Variants in NAA15 observed in about 807,000 individuals in gnomAD.
NAA15 encodes the protein N-alpha-acetyltransferase 15, NatA auxiliary subunit.
NAA15 carries 34 observed loss-of-function variants against 114.0 expected under a neutral mutation model. The ratio of observed to expected loss-of-function variants is 0.30; its 90% confidence interval spans 0.23 to 0.40. The LOEUF is 0.40. NAA15 is among the 10% of genes least tolerant of loss of function. The probability of loss-of-function intolerance (pLI) is 1.00; values close to 1 mark genes in which losing one functional copy is unlikely to be tolerated. For missense variants in NAA15, 658 were observed against 1,004.5 expected, an observed-to-expected ratio of 0.66 and a Z score of 4.66; for synonymous variants, 340 against 338.0, an observed-to-expected ratio of 1.01 and a Z score of -0.06.
intron 15 of NAA15, among the ~76,000 whole-genome samples, chr4:139,376,094 G>T (rs1055300601): frequency 6.6e-6 from 1 of 151,760 alleles, no homozygotes; most frequent in Non-Finnish European, 1.5e-5. Flanking sequence ...TTCTCTTTCT[G>T]TCTTTCTTTC....
chr4:139,334,699 C>CT (rs1220221049), intron 2 of NAA15, among the ~76,000 whole-genome samples: 1 of 151,990 alleles, frequency 6.6e-6, no homozygotes, highest in Non-Finnish European at 1.5e-5. Flanking sequence ...AGTTTATAGG[C>CT]TTTTGCTTGT....
At chr4:139,348,182 G>T (rs1018145623) in intron 6 of NAA15, among the ~76,000 whole-genome samples, 1 of 152,034 alleles carries the variant, frequency 6.6e-6, no homozygotes, top group African/African-American at 2.4e-5. Flanking sequence ...GGCCGGGCAC[G>T]GTGACTCACG....
intron 1 of NAA15, among the ~76,000 whole-genome samples, chr4:139,306,384 A>G (rs1241852721): frequency 6.8e-6 from 1 of 147,078 alleles, no homozygotes; most frequent in Non-Finnish European, 1.5e-5. Flanking sequence ...GCCTGCCACC[A>G]CACTCGGCTA....
chr4:139,316,915 T>C (rs938460350), intron 1 of NAA15, among the ~76,000 whole-genome samples: 1 of 151,418 alleles, frequency 6.6e-6, no homozygotes, highest in African/African-American at 2.4e-5. Context: ...TTTTTTCCTT[T>C]ATCATCAACC....
intron 10 of NAA15, 109 bp from the exon 11 acceptor site, chr4:139,357,277 A>C: frequency 1.1e-6 from 1 of 886,868 alleles, no homozygotes; most frequent in Non-Finnish European, 1.8e-6. Flanking sequence ...ATACATAAAT[A>C]AACTCCTTTC....
chr4:139,319,770 T>TG (rs1158619490), intron 1 of NAA15, among the ~76,000 whole-genome samples: 1 of 152,204 alleles, frequency 6.6e-6, no homozygotes, highest in African/African-American at 2.4e-5. Flanking sequence ...TCAGATGCCA[T>TG]GATCTCATGA....
At chr4:139,309,319 G>C (rs1746134661) in intron 1 of NAA15, among the ~76,000 whole-genome samples, 1 of 150,194 alleles carries the variant, frequency 6.7e-6, no homozygotes, top group African/African-American at 2.5e-5. Flanking sequence ...TTGCTCTCCA[G>C]CCTGGGGGAC....
intron 14 of NAA15, among the ~76,000 whole-genome samples, chr4:139,367,094 C>G (rs557595058): frequency 6.6e-6 from 1 of 152,096 alleles, no homozygotes; most frequent in East Asian, 1.9e-4. Flanking sequence ...AATTATAGTT[C>G]TTTTAATATG....
Position 139,383,135 on chromosome 4 carries a change from A to G in NAA15, c.2156-1697A>G, listed in dbSNP as rs1345835402. ...GTCATCACCATAGTTCCCAGCCATA[A>G]GGAAAATCTACGTAATGTTTTCACA... On this transcript the variant is annotated intron_variant, in intron 17 of 19. Transcript: ENST00000296543. Among the ~76,000 whole-genome samples, 3 of 152,330 alleles carry G rather than the reference A, an allele frequency of 2.0e-5. No homozygotes were observed. In the East Asian group the frequency reaches 5.8e-4, roughly 29 times the overall value.
chr4:139,347,894 C>T (rs1010144253), intron 6 of NAA15, among the ~76,000 whole-genome samples: 13 of 151,104 alleles, frequency 8.6e-5, no homozygotes, highest in South Asian at 2.1e-4. Flanking sequence ...TAGCCGGGCG[C>T]GGTGGCGGGC....
intron 7 of NAA15, among the ~76,000 whole-genome samples, chr4:139,350,197 C>T (rs1364578345): frequency 6.6e-6 from 1 of 152,064 alleles, no homozygotes; most frequent in Non-Finnish European, 1.5e-5. Flanking sequence ...GATCCCAGCA[C>T]TTTGGGAGGC....
In NAA15 at chr4:139,311,703, G is replaced by A. The variant is rs539659455; in HGVS notation, c.54+9872G>A. Among the ~76,000 whole-genome samples the A allele has an allele frequency of 2.5e-4, 38 of 151,984 alleles. No individual in the cohort carries two copies. In the South Asian group the frequency reaches 5.2e-3, roughly 21 times the overall value. ...TTCAGATAGTAGGGCTCAGCCATAC[G>A]TCATTTCATAAAGCTTTACAACCGA... On this transcript the variant is annotated intron_variant, in intron 1 of 19. Coordinates refer to ENST00000296543, the MANE Select transcript of NAA15 (RefSeq NM_057175.5).
chr4:139,330,363 C>T (rs1199329439), intron 1 of NAA15, among the ~76,000 whole-genome samples: 2 of 152,184 alleles, frequency 1.3e-5, no homozygotes, highest in African/African-American at 4.8e-5. Context: ...TACTATGTTT[C>T]TTTGGCTACA....
In NAA15 at chr4:139,332,863, T is replaced by C. The variant is rs147335504; in HGVS notation, c.55-1311T>C. On this transcript the variant is annotated intron_variant, in intron 1 of 19. Coordinates refer to ENST00000296543, the MANE Select transcript of NAA15 (RefSeq NM_057175.5). The stretch of plus-strand genomic sequence containing the variant: ...TACCAAAGTGCTGGGATTACAAGCA[T>C]GAGCCACCGTGCCTGGCCTCTTATA... Among the ~76,000 whole-genome samples, 6 of 152,286 alleles carry C rather than the reference T, an allele frequency of 3.9e-5. No homozygotes were observed. In the East Asian group the frequency reaches 1.2e-3, roughly 29 times the overall value.
At chr4:139,362,695 T>G (rs1434689010) in intron 14 of NAA15, among the ~76,000 whole-genome samples, 1 of 152,198 alleles carries the variant, frequency 6.6e-6, no homozygotes, top group African/African-American at 2.4e-5. Flanking sequence ...AATTGCACAG[T>G]GACTTATCAT....
At chr4:139,335,212 T>C (rs955695493) in intron 2 of NAA15, among the ~76,000 whole-genome samples, 1 of 152,164 alleles carries the variant, frequency 6.6e-6, no homozygotes, top group African/African-American at 2.4e-5. Flanking sequence ...TTATCTCTCT[T>C]TTTCCATATT....
intron 3 of NAA15, among the ~76,000 whole-genome samples, chr4:139,337,922 G>T (rs993355605): frequency 1.3e-5 from 2 of 152,212 alleles, no homozygotes; most frequent in African/African-American, 4.8e-5. Flanking sequence ...AATTGAGAGT[G>T]ACTAGAGGAC....
At position 139,384,827 on chromosome 4, in the gene NAA15, T is replaced by C; in HGVS notation, c.2156-5T>C. On this transcript the variant is annotated splice_region_variant and splice_polypyrimidine_tract_variant and intron_variant, in intron 17 of 19. Transcript: ENST00000296543. ...CTGCTAAGATTTTATTTTTAATTTA[T>C]TCAGCAGTGTGTGAAAGTAAAGATT... The C allele has an allele frequency of 7.1e-7, 1 of 1,405,080 alleles. No individual in the cohort carries two copies. The highest frequency in any genetic ancestry group is 1.6e-5 in the South Asian group (1 of 61,690). The allele number at this position is 1,405,080 out of a possible 1,614,324, so 87.0% of individuals were successfully genotyped here.
intron 7 of NAA15, 35 bp from the exon 8 acceptor site, chr4:139,351,156 A>ATT: frequency 9.0e-7 from 1 of 1,110,404 alleles, no homozygotes; most frequent in Non-Finnish European, 1.3e-6. Flanking sequence ...ACAATTTATG[A>ATT]TTATATATAA....
Sources: allele counts gnomAD v4.1 joint callset (sites outside exome capture counted in the v4.1 genomes callset), GRCh38; gene constraint gnomAD v4.1.1; transcripts MANE v1.5; gene names NCBI Gene and HGNC (gene_info 2026-07-23, HGNC 2026-07-21).